Variants in NRXN1 observed in about 807,000 individuals in gnomAD.
NRXN1 encodes neurexin 1.
In NRXN1, 39 loss-of-function variants were observed where a neutral mutation model predicts 150.9. The observed-to-expected ratio is 0.26, with a 90% CI of 0.20 to 0.34. The LOEUF (loss-of-function observed/expected upper bound fraction) is 0.34. Among genes scored for constraint, NRXN1 ranks in the 10% least tolerant of loss-of-function variants. The pLI is 1.00. For synonymous variants in NRXN1, 924 were observed against 757.0 expected (o/e 1.22, Z -3.62); for missense variants, 1,815 against 1,949.9 (o/e 0.93, Z 1.30).
At chr2:50,640,581 T>C (rs1228887042) in intron 5 of NRXN1, among the ~76,000 whole-genome samples, 3 of 152,156 alleles carry the variant, frequency 2.0e-5, no homozygotes, top group Admixed American at 2.0e-4. Flanking sequence ...GCTTTCTTTG[T>C]AAGGGCCAAT....
chr2:50,212,466 G>T (rs914052687), intron 18 of NRXN1, among the ~76,000 whole-genome samples: 4 of 148,094 alleles, frequency 2.7e-5, no homozygotes, highest in South Asian at 2.1e-4. Flanking sequence ...TTTGAGTCTG[G>T]TTTTTTTTTT....
At chr2:50,687,375 TC>T (rs1691390809) in intron 5 of NRXN1, among the ~76,000 whole-genome samples, 1 of 152,180 alleles carries the variant, frequency 6.6e-6, no homozygotes, top group Admixed American at 6.5e-5. Context: ...ATCTTTTTTT[TC>T]TCCTGATGAT....
intron 18 of NRXN1, among the ~76,000 whole-genome samples, chr2:50,170,358 C>T (rs543382487): frequency 2.6e-4 from 39 of 152,128 alleles, no homozygotes; most frequent in African/African-American, 9.4e-4. Flanking sequence ...TGCAGTGGCA[C>T]GATCTCAGCT....
intron 5 of NRXN1, among the ~76,000 whole-genome samples, chr2:50,763,878 A>C (rs1702097111): frequency 6.6e-6 from 1 of 152,038 alleles, no homozygotes; most frequent in Non-Finnish European, 1.5e-5. Flanking sequence ...ATTATGACAA[A>C]TTTTAACTGA....
intron 17 of NRXN1, among the ~76,000 whole-genome samples, chr2:50,418,500 C>A (rs148773570): frequency 6.6e-6 from 1 of 152,034 alleles, no homozygotes; most frequent in Non-Finnish European, 1.5e-5. Flanking sequence ...AGAAAGGGAG[C>A]GGTGCTTTGT....
intron 17 of NRXN1, among the ~76,000 whole-genome samples, chr2:50,376,853 T>C (rs966639937): frequency 6.6e-6 from 1 of 152,138 alleles, no homozygotes; most frequent in South Asian, 2.1e-4. Context: ...TAAGGCAGGT[T>C]AGTCTTAGAA....
intron 17 of NRXN1, among the ~76,000 whole-genome samples, chr2:50,427,988 A>C (rs536843400): frequency 1.2e-4 from 18 of 152,324 alleles, no homozygotes; most frequent in Middle Eastern, 3.4e-3. Flanking sequence ...AGAAATAGGT[A>C]GTCTAAGGTC....
chr2:50,925,905 G>C (rs751460162), intron 3 of NRXN1, 33 bp downstream of exon 3: 26 of 1,538,674 alleles, frequency 1.7e-5, no homozygotes, highest in Non-Finnish European at 2.3e-5. Context: ...AAGGACAAAT[G>C]AGAGTTGGAA....
chr2:50,612,593 T>G (rs1678367696), intron 8 of NRXN1, among the ~76,000 whole-genome samples: 1 of 152,320 alleles, frequency 6.6e-6, no homozygotes, highest in South Asian at 2.1e-4. Context: ...ATGCTTTCTC[T>G]GGAATATGCT....
At chr2:50,855,042 A>T (rs1675073531) in intron 5 of NRXN1, among the ~76,000 whole-genome samples, 1 of 152,020 alleles carries the variant, frequency 6.6e-6, no homozygotes, top group African/African-American at 2.4e-5. Context: ...ATATTGGAGT[A>T]CCTTCTCTAG....
At position 50,511,224 on chromosome 2, in the gene NRXN1, C is replaced by T. The variant is rs565460069; in HGVS notation, c.2375-4607G>A. On this transcript the variant is annotated intron_variant, in intron 12 of 22. Coordinates refer to ENST00000401669, the MANE Select transcript of NRXN1 (RefSeq NM_001330078.2). ...TACAGGCACCCACTACCATGCCCAGCTAATTTTTGTATTTTAATAGACATG... is the reference window on the plus strand; with the variant it reads ...TACAGGCACCCACTACCATGCCCAGTTAATTTTTGTATTTTAATAGACATG... Among the ~76,000 whole-genome samples the T allele has an allele frequency of 2.9e-3, 447 of 152,192 alleles. 5 individuals are homozygous for T. The highest frequency in any genetic ancestry group is 0.01 in the African/African-American group (431 of 41,518).
intron 17 of NRXN1, among the ~76,000 whole-genome samples, chr2:50,367,351 T>C (rs2079657974): frequency 6.6e-6 from 1 of 152,056 alleles, no homozygotes; most frequent in Admixed American, 6.6e-5. Context: ...AGGAGGTATC[T>C]GATGTGGGCT....
intron 19 of NRXN1, among the ~76,000 whole-genome samples, chr2:50,077,199 T>G (rs958794479): frequency 5.9e-5 from 9 of 152,168 alleles, no homozygotes; most frequent in African/African-American, 2.2e-4. Flanking sequence ...ACAGACTGCA[T>G]GTCTAACTTA....
intron 5 of NRXN1, among the ~76,000 whole-genome samples, chr2:50,845,835 T>C (rs1248929047): frequency 1.3e-5 from 2 of 152,198 alleles, no homozygotes; most frequent in African/African-American, 4.8e-5. Context: ...AAATAAGGCT[T>C]TTTGAATTTT....
intron 21 of NRXN1, among the ~76,000 whole-genome samples, chr2:49,954,829 G>T (rs538917385): frequency 6.6e-6 from 1 of 152,266 alleles, no homozygotes; most frequent in African/African-American, 2.4e-5. Flanking sequence ...AGACTGCTTA[G>T]TGATATGTTT....
At chr2:50,578,553 A>C (rs997373163) in intron 8 of NRXN1, among the ~76,000 whole-genome samples, 3 of 152,154 alleles carry the variant, frequency 2.0e-5, no homozygotes, top group East Asian at 3.9e-4. Flanking sequence ...TTACATAAAC[A>C]CAGTCTACCT....
intron 5 of NRXN1, among the ~76,000 whole-genome samples, chr2:50,808,321 T>G (rs1349779367): frequency 6.6e-6 from 1 of 152,150 alleles, no homozygotes; most frequent in East Asian, 1.9e-4. Flanking sequence ...ATAAGCCATG[T>G]TTTATGGAAA....
chr2:50,278,264 T>TATAATATATATAA (rs1553368503), intron 17 of NRXN1, among the ~76,000 whole-genome samples: 10 of 66,246 alleles, frequency 1.5e-4, no homozygotes, highest in Non-Finnish European at 2.5e-4. Context: ...ATTATATATA[T>TATAATATATATAA]TATATATGTA....
intron 9 of NRXN1, chr2:50,551,138 A>C (rs906776808): frequency 1.3e-5 from 2 of 148,540 alleles, no homozygotes; most frequent in Non-Finnish European, 3.0e-5. Context: ...GGGAGGAAGA[A>C]AAAATGGTAA....
Sources: gnomAD v4.1 joint callset for allele counts (sites outside exome capture counted in the v4.1 genomes callset) on GRCh38, gnomAD v4.1.1 for gene constraint, MANE v1.5 for transcripts, NCBI Gene and HGNC (gene_info 2026-07-23, HGNC 2026-07-21) for gene names.